Variants in PLCG1 observed in about 807,000 individuals in gnomAD.
PLCG1 encodes the protein 1-phosphatidylinositol 4,5-bisphosphate phosphodiesterase gamma-1.
PLCG1 carries 71 observed loss-of-function variants against 177.8 expected under a neutral mutation model. The observed-to-expected ratio is 0.40, with a 90% CI of 0.33 to 0.49. The LOEUF is 0.49. Among genes scored for constraint, PLCG1 ranks in the 20% least tolerant of loss-of-function variants. The pLI is 0.72. For synonymous variants in PLCG1, 658 were observed against 647.9 expected (o/e 1.02, Z -0.24); for missense variants, 1,281 against 1,709.0 (o/e 0.75, Z 4.42).
At position 41,159,254 on chromosome 20, in the gene PLCG1, G is replaced by T. The variant is rs1374306651; in HGVS notation, c.218-352G>T. Reference sequence around the variant, plus strand: ...ATGATTTGATTTGTGTGTACCTTGTGTCAGGAAGTGGTCCTCATGAACAGC... The same window carrying T: ...ATGATTTGATTTGTGTGTACCTTGTTTCAGGAAGTGGTCCTCATGAACAGC... On this transcript the variant is annotated intron_variant, in intron 1 of 31. Transcript: ENST00000685551. This position sits in a 1 kb window ranked among gnomAD's most constrained non-coding sequence, Gnocchi z 6.0. Among the ~76,000 whole-genome samples, 1 of 152,152 alleles carries T rather than the reference G, an allele frequency of 6.6e-6. No individual in the cohort carries two copies. The highest frequency in any genetic ancestry group is 2.4e-5 in the African/African-American group (1 of 41,430).
Position 41,160,198 on chromosome 20 carries a change from C to T in PLCG1, c.512+45C>T. 1 of 1,572,780 alleles carries T rather than the reference C, an allele frequency of 6.4e-7. No homozygotes were observed. Among genetic ancestry groups the T allele is most frequent in the East Asian group, 2.2e-5 (1 of 44,672 alleles). ...TGTAGCCCAGCAGGGTGGGGATGGG[C>T]ATCCAGAACCTTAGCCAGGCCTCTA... is the stretch of plus-strand genomic sequence containing the variant. On this transcript the variant is annotated intron_variant, in intron 4 of 31. Transcript: ENST00000685551. The surrounding 1 kb of genome is among the most constrained non-coding windows in gnomAD (Gnocchi z 5.5).
Position 41,167,546 on chromosome 20 carries a change from A to G in PLCG1, c.2302-306A>G, listed in dbSNP as rs2035741628. On this transcript the variant is annotated intron_variant, in intron 19 of 31. Transcript: ENST00000685551. The surrounding 1 kb of genome is among the most constrained non-coding windows in gnomAD (Gnocchi z 4.4). ...AAGCCACTGAACTAAAGCACTGAAT[A>G]TGGGTAGTCTGTGAAGGGCCCACCT... 2.7e-6 allele frequency: 1 copy of G among 368,908 alleles called. No homozygotes were observed. Among genetic ancestry groups the G allele is most frequent in the East Asian group, 5.6e-5 (1 of 17,836 alleles). 22.9% of individuals were successfully genotyped at this position (368,908 alleles called of 1,614,324 possible).
chr20:41,140,324 T>C (rs574445768), intron 1 of PLCG1, among the ~76,000 whole-genome samples: 1 of 152,358 alleles, frequency 6.6e-6, no homozygotes, highest in African/African-American at 2.4e-5. Context: ...CTTCTACCCA[T>C]TCGTGGGCTC....
Position 41,164,251 on chromosome 20 carries a change from C to A in PLCG1, c.1217+50C>A, listed in dbSNP as rs549714798. ...GGGGTTAACTTGGCTCCAGGTCTCTCGTTCTAGAGGGACAGAGGGCAGAAA... is the reference window on the plus strand; with the variant it reads ...GGGGTTAACTTGGCTCCAGGTCTCTAGTTCTAGAGGGACAGAGGGCAGAAA... On this transcript the variant is annotated intron_variant, in intron 12 of 31. Coordinates refer to ENST00000685551, the MANE Select transcript of PLCG1 (RefSeq NM_002660.3). This position sits in a 1 kb window ranked among gnomAD's most constrained non-coding sequence, Gnocchi z 6.4. 1.2e-6 allele frequency: 2 copies of A among 1,600,172 alleles called. No homozygotes were observed. The highest frequency in any genetic ancestry group is 3.3e-5 in the Admixed American group (2 of 59,980).
intron 24 of PLCG1, among the ~76,000 whole-genome samples, chr20:41,171,312 C>T (rs184186205): frequency 5.9e-5 from 9 of 152,062 alleles, no homozygotes; most frequent in Admixed American, 2.6e-4. Flanking sequence ...TGAGGCCGGG[C>T]GTGGTGGCTC....
Position 41,167,636 on chromosome 20 carries a change from G to A in PLCG1, c.2302-216G>A. ...GACCTGAGAGATTTTAGAATCCTGG[G>A]CTGGGCCTTACATGTAAGAATGTGA... is the stretch of plus-strand genomic sequence containing the variant. On this transcript the variant is annotated intron_variant, in intron 19 of 31. Coordinates refer to ENST00000685551, the MANE Select transcript of PLCG1 (RefSeq NM_002660.3). This position sits in a 1 kb window ranked among gnomAD's most constrained non-coding sequence, Gnocchi z 4.4. The A allele has an allele frequency of 3.5e-6, 2 of 573,894 alleles. No homozygotes were observed. The highest frequency in any genetic ancestry group is 6.2e-6 in the Non-Finnish European group (2 of 321,750). 35.6% of individuals were successfully genotyped at this position (573,894 alleles called of 1,614,324 possible).
chr20:41,145,181 C>A (rs377619188), intron 1 of PLCG1, among the ~76,000 whole-genome samples: 1 of 152,200 alleles, frequency 6.6e-6, no homozygotes, highest in Non-Finnish European at 1.5e-5. Flanking sequence ...TTAATTTCCC[C>A]TGTTTGCTAT....
chr20:41,172,651 G>A lies in PLCG1; in HGVS notation c.3130+6G>A, dbSNP rs1415803838. ...CCTCAACTTCCAGACCCCTGGTGAG[G>A]AAGTCCCCTGTGAGGAGGGTGAGGA... On this transcript the variant is annotated splice_donor_region_variant and intron_variant, in intron 26 of 31. Coordinates refer to ENST00000685551, the MANE Select transcript of PLCG1 (RefSeq NM_002660.3). This position sits in a 1 kb window ranked among gnomAD's most constrained non-coding sequence, Gnocchi z 7.0. 1 of 1,613,774 alleles carries A rather than the reference G, an allele frequency of 6.2e-7. No individual in the cohort carries two copies. The highest frequency in any genetic ancestry group is 1.3e-5 in the African/African-American group (1 of 75,028).
rs201735725 is a variant in PLCG1, at chr20:41,163,882, C to T, written c.1011-39C>T. The T allele has an allele frequency of 3.0e-4, 476 of 1,609,460 alleles. 4 individuals carry two copies. The highest frequency in any genetic ancestry group is 2.9e-3 in the East Asian group (131 of 44,854). ...ACCCAGCTTCTTCCCCAGGAGGGCC[C>T]ATCTGACCATACCTACCTGCCTCTC... On this transcript the variant is annotated intron_variant, in intron 10 of 31. Coordinates refer to ENST00000685551, the MANE Select transcript of PLCG1 (RefSeq NM_002660.3). This position sits in a 1 kb window ranked among gnomAD's most constrained non-coding sequence, Gnocchi z 5.2.
At position 41,163,462 on chromosome 20, in the gene PLCG1, T is replaced by A; in HGVS notation, c.874T>A (p.Tyr292Asn). ...RDPLREIEEPYFFLDEFVTFL... is the reference protein window; with the variant it reads ...RDPLREIEEPNFFLDEFVTFL... ...CCCCTTACGAGAGATCGAGGAGCCA[T>A]ACTTCTTCCTGGATGAGGTGAGCCC... The change falls in exon 9 of 32, where the codon TAC becomes AAC. Residue 292 changes from tyrosine (Y) to asparagine (N), a missense_variant. Transcript: ENST00000685551. This position sits in a 1 kb window ranked among gnomAD's most constrained non-coding sequence, Gnocchi z 5.2. 6.2e-7 allele frequency: 1 copy of A among 1,610,084 alleles called. No homozygotes were observed. Among genetic ancestry groups the A allele is most frequent in the Non-Finnish European group, 8.5e-7 (1 of 1,177,470 alleles).
rs1462442260 is a variant in PLCG1 at position 41,173,872 on chromosome 20, C to A, written c.3557-51C>A. The stretch of plus-strand genomic sequence containing the variant: ...ATCTTGCTGGCAGGGTGGGGCTGGG[C>A]CCCTTGCTCTGTCCCTCGTGGGCTG... On this transcript the variant is annotated intron_variant, in intron 29 of 31. Coordinates refer to ENST00000685551, the MANE Select transcript of PLCG1 (RefSeq NM_002660.3). This position sits in a 1 kb window ranked among gnomAD's most constrained non-coding sequence, Gnocchi z 6.2. The A allele has an allele frequency of 1.2e-6, 2 of 1,610,078 alleles. No homozygotes were observed. The highest frequency in any genetic ancestry group is 1.7e-6 in the Non-Finnish European group (2 of 1,176,686).
chr20:41,166,047 T>C lies in PLCG1; in HGVS notation c.1800-147T>C, dbSNP rs773677547. ...ATTTGAAGCCCACACCTTTGGTTCA[T>C]GTGACTGCCCACACCTGAGCTCCTC... is the stretch of plus-strand genomic sequence containing the variant. On this transcript the variant is annotated intron_variant, in intron 16 of 31. Coordinates refer to ENST00000685551, the MANE Select transcript of PLCG1 (RefSeq NM_002660.3). This position sits in a 1 kb window ranked among gnomAD's most constrained non-coding sequence, Gnocchi z 8.6. 1 of 592,244 alleles carries C rather than the reference T, an allele frequency of 1.7e-6. No individual in the cohort carries two copies. Among genetic ancestry groups the C allele is most frequent in the Non-Finnish European group, 2.7e-6 (1 of 364,718 alleles). 36.7% of individuals were successfully genotyped at this position (592,244 alleles called of 1,614,324 possible). A position where few individuals can be genotyped will look rare whatever the true frequency, so the allele number is the denominator to read the frequency against.
intron 1 of PLCG1, among the ~76,000 whole-genome samples, chr20:41,158,890 T>C (rs35130536): frequency 0.034 from 5,131 of 152,318 alleles, 136 homozygotes; most frequent in Middle Eastern, 0.11. Flanking sequence ...GCCTCAAGTT[T>C]TAGTGGCTGA....
chr20:41,169,038 C>T lies in PLCG1; in HGVS notation c.2484-41C>T, dbSNP rs201141606. The T allele has an allele frequency of 4.0e-4, 589 of 1,487,146 alleles. 4 individuals carry two copies. Among genetic ancestry groups the T allele is most frequent in the South Asian group, 3.2e-3 (287 of 88,524 alleles). The allele number at this position is 1,487,146 out of a possible 1,614,324, so 92.1% of individuals were successfully genotyped here. The stretch of plus-strand genomic sequence containing the variant: ...AAAGGATACCCTCCTCATGGGAGTT[C>T]GGGGTGGTTGCTGGAGGTCAGCACC... On this transcript the variant is annotated intron_variant, in intron 21 of 31. Coordinates refer to ENST00000685551, the MANE Select transcript of PLCG1 (RefSeq NM_002660.3).
rs1304101392 is a variant in PLCG1 at position 41,146,563 on chromosome 20, G to C, written c.217+8705G>C. Among the ~76,000 whole-genome samples, 3 of 152,234 alleles carry C rather than the reference G, an allele frequency of 2.0e-5. No homozygotes were observed. The highest frequency in any genetic ancestry group is 4.4e-5 in the Non-Finnish European group (3 of 68,038). On this transcript the variant is annotated intron_variant, in intron 1 of 31. Transcript: ENST00000685551. This position sits in a 1 kb window ranked among gnomAD's most constrained non-coding sequence, Gnocchi z 6.3. ...GTGAACAGCTGGCCAAACTGGTGAGGAGTTGGGCCATGGCGAGTTTGGCCA... is the reference window on the plus strand; with the variant it reads ...GTGAACAGCTGGCCAAACTGGTGAGCAGTTGGGCCATGGCGAGTTTGGCCA...
At chr20:41,142,623 A>G (rs190178224) in intron 1 of PLCG1, among the ~76,000 whole-genome samples, 44 of 152,276 alleles carry the variant, frequency 2.9e-4, no homozygotes, top group Non-Finnish European at 5.6e-4. Flanking sequence ...TTAGTAGTTA[A>G]GCATTTGGGC....
chr20:41,161,928 G>A (rs1033775468), intron 4 of PLCG1, among the ~76,000 whole-genome samples: 2 of 152,068 alleles, frequency 1.3e-5, no homozygotes, highest in Non-Finnish European at 2.9e-5. Context: ...ATTGTATTTG[G>A]TGGAGCATGC....
In PLCG1 at chr20:41,150,153, G is replaced by GC. The variant is rs977051469; in HGVS notation, c.218-9452dup. Reference sequence around the variant, plus strand: ...TACAGTGAGCCCTGTTGGTGCCACTGCACTCCAGCCTGGACAACAGAGTGA... The same window carrying GC: ...TACAGTGAGCCCTGTTGGTGCCACTGCCACTCCAGCCTGGACAACAGAGTGA... On this transcript the variant is annotated intron_variant, in intron 1 of 31. Transcript: ENST00000685551. This position sits in a 1 kb window ranked among gnomAD's most constrained non-coding sequence, Gnocchi z 4.0. Among the ~76,000 whole-genome samples, 1 of 152,074 alleles carries GC rather than the reference G, an allele frequency of 6.6e-6. No homozygotes were observed. Among genetic ancestry groups the GC allele is most frequent in the Non-Finnish European group, 1.5e-5 (1 of 68,018 alleles).
rs1489215359 is a variant in PLCG1, at chr20:41,157,306, G to C, written c.218-2300G>C. On this transcript the variant is annotated intron_variant, in intron 1 of 31. Coordinates refer to ENST00000685551, the MANE Select transcript of PLCG1 (RefSeq NM_002660.3). This position sits in a 1 kb window ranked among gnomAD's most constrained non-coding sequence, Gnocchi z 5.4. Reference sequence around the variant, plus strand: ...ATGACAGCAGCTCCACACCGGAAGAGCAGACTGGTTTCTGTTTCAAAAGGC... The same window carrying C: ...ATGACAGCAGCTCCACACCGGAAGACCAGACTGGTTTCTGTTTCAAAAGGC... Among the ~76,000 whole-genome samples, 1 of 151,672 alleles carries C rather than the reference G, an allele frequency of 6.6e-6. No individual in the cohort carries two copies. Among genetic ancestry groups the C allele is most frequent in the Non-Finnish European group, 1.5e-5 (1 of 67,976 alleles).
Sources: gnomAD v4.1 joint callset for allele counts (sites outside exome capture counted in the v4.1 genomes callset) on GRCh38, gnomAD v4.1.1 for gene constraint, Gnocchi (gnomAD v3.1) non-coding constraint, MANE v1.5 for transcripts, NCBI Gene and HGNC (gene_info 2026-07-23, HGNC 2026-07-21) for gene names.